Variants in NAALADL2 observed in about 807,000 individuals in gnomAD.
NAALADL2 encodes the protein inactive N-acetylated-alpha-linked acidic dipeptidase-like protein 2.
NAALADL2 carries 76 observed loss-of-function variants against 87.2 expected under a neutral mutation model. The ratio of observed to expected loss-of-function variants is 0.87; its 90% CI spans 0.72 to 1.05. The LOEUF is 1.05. Ranked by LOEUF, NAALADL2 falls within the 50% of genes least tolerant of loss-of-function variation. The pLI is 0.00. For synonymous variants in NAALADL2, 354 were observed against 331.0 expected, an observed-to-expected ratio of 1.07 and a Z score of -0.75; for missense variants, 1,089 against 945.8, an observed-to-expected ratio of 1.15 and a Z score of -1.99.
chr3:175,231,613 C>T (rs1362241932), intron 2 of NAALADL2, among the ~76,000 whole-genome samples: 1 of 152,062 alleles, frequency 6.6e-6, no homozygotes, highest in Non-Finnish European at 1.5e-5. Flanking sequence ...CATAAAGCAA[C>T]TGAGACCAAC....
At chr3:175,229,968 T>A (rs2109433864) in intron 2 of NAALADL2, among the ~76,000 whole-genome samples, 1 of 152,134 alleles carries the variant, frequency 6.6e-6, no homozygotes, top group East Asian at 1.9e-4. Context: ...AAACGGCACA[T>A]TATTATGGAT....
chr3:175,015,377 A>G (rs1326524120), intron 1 of NAALADL2, among the ~76,000 whole-genome samples: 2 of 152,108 alleles, frequency 1.3e-5, no homozygotes, highest in Non-Finnish European at 2.9e-5. Context: ...GTACTTGAAC[A>G]TTAGGGAAAA....
chr3:175,138,434 A>G (rs1297264485), intron 2 of NAALADL2, among the ~76,000 whole-genome samples: 1 of 152,068 alleles, frequency 6.6e-6, no homozygotes, highest in Non-Finnish European at 1.5e-5. Context: ...ATAATTCATA[A>G]CACCCCAACA....
At chr3:175,735,991 A>G (rs1395498270) in intron 11 of NAALADL2, among the ~76,000 whole-genome samples, 2 of 152,210 alleles carry the variant, frequency 1.3e-5, no homozygotes, top group African/African-American at 4.8e-5. Flanking sequence ...ATAATAACAC[A>G]GTCGCATTTC....
At chr3:175,250,163 C>A (rs1371657706) in intron 3 of NAALADL2, among the ~76,000 whole-genome samples, 1 of 141,070 alleles carries the variant, frequency 7.1e-6, no homozygotes, top group African/African-American at 2.7e-5. Context: ...GAGCAAAATT[C>A]GGTCTTAAAA....
chr3:174,949,015 G>A (rs925875243), intron 1 of NAALADL2, among the ~76,000 whole-genome samples: 1 of 152,092 alleles, frequency 6.6e-6, no homozygotes, highest in Admixed American at 6.5e-5. Context: ...GCCTCACATG[G>A]CAGAAGAGAA....
At chr3:174,610,505 A>G (rs1719709444) in intron 2 of NAALADL2, among the ~76,000 whole-genome samples, 1 of 152,190 alleles carries the variant, frequency 6.6e-6, no homozygotes. Context: ...AGTGGGCGAA[A>G]GACATGAAAA....
intron 1 of NAALADL2, among the ~76,000 whole-genome samples, chr3:174,932,085 C>G (rs1736981855): frequency 6.6e-6 from 1 of 152,314 alleles, no homozygotes; most frequent in Admixed American, 6.5e-5. Context: ...ATTGGACACT[C>G]TAAAGACATG....
chr3:175,166,032 A>G (rs1580761032), intron 2 of NAALADL2, among the ~76,000 whole-genome samples: 1 of 119,554 alleles, frequency 8.4e-6, no homozygotes, highest in African/African-American at 3.3e-5. Context: ...CATATAAGGG[A>G]CTCCATATTT....
intron 2 of NAALADL2, among the ~76,000 whole-genome samples, chr3:175,196,161 T>C (rs946293712): frequency 6.6e-6 from 1 of 151,952 alleles, no homozygotes; most frequent in East Asian, 1.9e-4. Context: ...CCATCTTTTT[T>C]ATATAATCAA....
rs145436913 is a variant in NAALADL2, at chr3:175,398,243, A to G, written c.1091-48986A>G. 5.6e-3 allele frequency among the ~76,000 whole-genome samples: 850 copies of G among 152,044 alleles called. 5 individuals carry two copies. The highest frequency in any genetic ancestry group is 0.018 in the African/African-American group (765 of 41,462). On this transcript the variant is annotated intron_variant, in intron 5 of 13. Transcript: ENST00000454872. Reference sequence around the variant, plus strand: ...AGAGAAAGACACTAATTAATTAGAGACACAGAAGGAAGTAAAAAGACAGCC... The same window carrying G: ...AGAGAAAGACACTAATTAATTAGAGGCACAGAAGGAAGTAAAAAGACAGCC...
intron 2 of NAALADL2, among the ~76,000 whole-genome samples, chr3:174,586,724 C>A (rs1413047445): frequency 6.6e-6 from 1 of 152,148 alleles, no homozygotes; most frequent in Admixed American, 6.5e-5. Context: ...ACTTGAAACT[C>A]TGAACACGTA....
intron 11 of NAALADL2, chr3:175,718,223 T>TTTTTTTTTTTTGG: frequency 9.9e-7 from 1 of 1,009,324 alleles, no homozygotes; most frequent in South Asian, 1.5e-5. Flanking sequence ...TTTTTTTTTT[T>TTTTTTTTTTTTGG]GATTAGTTGC....
At chr3:175,171,037 T>G (rs1344470953) in intron 2 of NAALADL2, among the ~76,000 whole-genome samples, 1 of 151,982 alleles carries the variant, frequency 6.6e-6, no homozygotes, top group Non-Finnish European at 1.5e-5. Context: ...TATGAGAGTT[T>G]AAAATAGAAC....
chr3:175,184,615 A>G (rs1737060708), intron 2 of NAALADL2, among the ~76,000 whole-genome samples: 1 of 151,958 alleles, frequency 6.6e-6, no homozygotes, highest in Non-Finnish European at 1.5e-5. Flanking sequence ...AAGATAATTA[A>G]AGTTACTTCC....
intron 1 of NAALADL2, among the ~76,000 whole-genome samples, chr3:175,058,650 ACT>A (rs1303738395): frequency 6.6e-6 from 1 of 152,048 alleles, no homozygotes; most frequent in African/African-American, 2.4e-5. Context: ...ACATGCAGAC[ACT>A]CTGTGTCTGT....
At chr3:174,647,498 T>G (rs1723912681) in intron 2 of NAALADL2, among the ~76,000 whole-genome samples, 1 of 152,182 alleles carries the variant, frequency 6.6e-6, no homozygotes, top group African/African-American at 2.4e-5. Context: ...CCAGACTTGA[T>G]TTTTTGAGAC....
intron 3 of NAALADL2, among the ~76,000 whole-genome samples, chr3:174,752,800 A>G (rs746555258): frequency 6.6e-6 from 1 of 152,196 alleles, no homozygotes; most frequent in Non-Finnish European, 1.5e-5. Context: ...TGTATTTTGC[A>G]GAAGTAGGAG....
At chr3:174,862,686 C>T (rs12489191) in intron 1 of NAALADL2, among the ~76,000 whole-genome samples, 1,559 of 152,106 alleles carry the variant, frequency 0.01, 41 homozygotes, top group Admixed American at 0.063. Flanking sequence ...TACTAATTGG[C>T]CCTTGAGATA....
Sources: gnomAD v4.1 joint callset for allele counts (sites outside exome capture counted in the v4.1 genomes callset) on GRCh38, gnomAD v4.1.1 for gene constraint, MANE v1.5 for transcripts, NCBI Gene and HGNC (gene_info 2026-07-23, HGNC 2026-07-21) for gene names.